The following BMPR1A variants were observed in gnomAD, a reference collection of about 807,000 sequenced individuals.
BMPR1A encodes the protein bone morphogenetic protein receptor type-1A.
A neutral mutation model predicts 66.0 loss-of-function variants in BMPR1A; 7 were observed. The observed-to-expected ratio is 0.11, with a 90% CI of 0.06 to 0.20. The LOEUF is 0.20. Among genes scored for constraint, BMPR1A ranks in the 10% least tolerant of loss-of-function variants. The probability of loss-of-function intolerance (pLI) is 1.00; values close to 1 mark genes in which losing one functional copy is unlikely to be tolerated. For missense variants in BMPR1A, 408 were observed against 669.1 expected, an observed-to-expected ratio of 0.61 and a Z score of 4.31; for synonymous variants, 200 against 229.7, an observed-to-expected ratio of 0.87 and a Z score of 1.17.
intron 3 of BMPR1A, among the ~76,000 whole-genome samples, chr10:86,878,573 T>C (rs907922647): frequency 6.6e-6 from 1 of 152,238 alleles, no homozygotes; most frequent in Admixed American, 6.5e-5. Context: ...CATTCAGTTA[T>C]TGAGTAGTGT....
intron 1 of BMPR1A, among the ~76,000 whole-genome samples, chr10:86,776,582 C>G (rs1232436925): frequency 3.3e-5 from 5 of 152,124 alleles, no homozygotes; most frequent in Non-Finnish European, 7.4e-5. Context: ...TGCAGACCCC[C>G]TTTCCTTGGG....
Position 86,803,546 on chromosome 10 carries a change from C to T in BMPR1A, c.-267-35319C>T, listed in dbSNP as rs563723776. On this transcript the variant is annotated intron_variant, in intron 1 of 12. Coordinates refer to ENST00000372037, the MANE Select transcript of BMPR1A (RefSeq NM_004329.3). ...ATCTGGAATTAGTTTTGTTGCATAA[C>T]GTAAGGATCCGACTTAATTTTTTCC... Among the ~76,000 whole-genome samples, 45 of 152,240 alleles carry T rather than the reference C, an allele frequency of 3.0e-4. 1 individual carries two copies. The highest frequency in any genetic ancestry group is 6.8e-3 in the Middle Eastern group (2 of 294).
rs1841588927 is a variant in BMPR1A, at chr10:86,790,187, AAATATATATATATATATATATATAT to A, written c.-268+33270_-268+33294del. ...CAAAAAAAAAAAAAAAAAAAAAAAA[AAATATATATATATATATATATATAT>A]ATATATATATATATATATATATATC... On this transcript the variant is annotated intron_variant, in intron 1 of 12. Transcript: ENST00000372037. Among the ~76,000 whole-genome samples the A allele has an allele frequency of 1.8e-4, 5 of 28,462 alleles. 1 individual carries two copies. Among genetic ancestry groups the A allele is most frequent in the South Asian group, 1.3e-3 (1 of 798 alleles). 18.7% of individuals were successfully genotyped at this position (28,462 alleles called of 152,430 possible).
chr10:86,836,007 T>G (rs1261592014), intron 1 of BMPR1A, among the ~76,000 whole-genome samples: 2 of 152,224 alleles, frequency 1.3e-5, no homozygotes, highest in African/African-American at 4.8e-5. Flanking sequence ...CTTGCATATG[T>G]TTTTTAAAGA....
rs144921658 is a variant in BMPR1A at position 86,759,344 on chromosome 10, C to G, written c.-268+2425C>G. Among the ~76,000 whole-genome samples, 5 of 152,328 alleles carry G rather than the reference C, an allele frequency of 3.3e-5. No homozygotes were observed. The South Asian group carries it at 1.0e-3, about 32-fold the overall frequency. ...TCTCTAGTCCCTTAGAATGATTGTT[C>G]AGACCTTTCTGTTGGAATAATTCTC... On this transcript the variant is annotated intron_variant, in intron 1 of 12. Transcript: ENST00000372037.
At chr10:86,831,136 T>A (rs988881913) in intron 1 of BMPR1A, among the ~76,000 whole-genome samples, 12 of 152,230 alleles carry the variant, frequency 7.9e-5, no homozygotes, top group Non-Finnish European at 1.8e-4. Flanking sequence ...TGTCAGCTGA[T>A]CGGCAATTAA....
intron 1 of BMPR1A, among the ~76,000 whole-genome samples, chr10:86,787,357 G>A (rs894456848): frequency 3.9e-5 from 6 of 152,130 alleles, no homozygotes; most frequent in Non-Finnish European, 7.4e-5. Flanking sequence ...AATTTAACAC[G>A]GAAAGTAACA....
intron 1 of BMPR1A, among the ~76,000 whole-genome samples, chr10:86,777,066 TC>T (rs1841360206): frequency 6.6e-6 from 1 of 152,208 alleles, no homozygotes; most frequent in African/African-American, 2.4e-5. Flanking sequence ...TTTGCACTGT[TC>T]CTCACCATAC....
chr10:86,811,385 T>G (rs1841966951), intron 1 of BMPR1A, among the ~76,000 whole-genome samples: 2 of 152,222 alleles, frequency 1.3e-5, no homozygotes, highest in Admixed American at 1.3e-4. Flanking sequence ...ATATTTGTTT[T>G]TCCCTTTGTT....
intron 7 of BMPR1A, among the ~76,000 whole-genome samples, chr10:86,907,854 T>A (rs957791205): frequency 6.6e-6 from 1 of 152,054 alleles, no homozygotes; most frequent in Non-Finnish European, 1.5e-5. Flanking sequence ...GAAGAGAGGT[T>A]GATTAAGGGG....
intron 10 of BMPR1A, among the ~76,000 whole-genome samples, chr10:86,921,247 G>A (rs1843658886): frequency 6.6e-6 from 1 of 152,096 alleles, no homozygotes; most frequent in Non-Finnish European, 1.5e-5. Context: ...GGTGTGTATT[G>A]CCCTTATCCA....
At chr10:86,814,231 C>T (rs569484877) in intron 1 of BMPR1A, among the ~76,000 whole-genome samples, 1 of 152,230 alleles carries the variant, frequency 6.6e-6, no homozygotes, top group East Asian at 1.9e-4. Context: ...AATTCCTGGG[C>T]TCAAGTGATC....
intron 1 of BMPR1A, among the ~76,000 whole-genome samples, chr10:86,821,785 CT>C (rs1400415717): frequency 6.6e-6 from 1 of 151,950 alleles, no homozygotes; most frequent in African/African-American, 2.4e-5. Context: ...TTTCTCCCCC[CT>C]CCCCCTCTCT....
intron 8 of BMPR1A, among the ~76,000 whole-genome samples, chr10:86,912,598 A>G (rs538101753): frequency 4.6e-5 from 7 of 152,338 alleles, no homozygotes; most frequent in Non-Finnish European, 1.0e-4. Flanking sequence ...AGATAGAGCT[A>G]TAAACCAGGT....
At chr10:86,838,075 G>A (rs975073859) in intron 1 of BMPR1A, among the ~76,000 whole-genome samples, 5 of 152,104 alleles carry the variant, frequency 3.3e-5, no homozygotes, top group African/African-American at 1.2e-4. Context: ...TGAAGTTTCC[G>A]TTAAAAGATT....
chr10:86,817,361 G>A (rs534049331), intron 1 of BMPR1A, among the ~76,000 whole-genome samples: 2 of 152,046 alleles, frequency 1.3e-5, no homozygotes, highest in Admixed American at 6.6e-5. Context: ...CTTTTTGGTG[G>A]CTGGCTTATT....
chr10:86,790,189 ATATATATATAT>A (rs1473069595), intron 1 of BMPR1A, among the ~76,000 whole-genome samples: 9 of 13,202 alleles, frequency 6.8e-4, no homozygotes, highest in African/African-American at 1.8e-3. Flanking sequence ...AAAAAAAAAA[ATATATATATAT>A]ATATATATAT....
chr10:86,762,187 T>C (rs1380989839), intron 1 of BMPR1A, among the ~76,000 whole-genome samples: 1 of 152,222 alleles, frequency 6.6e-6, no homozygotes, highest in Non-Finnish European at 1.5e-5. Flanking sequence ...ATATAATTAA[T>C]TGAGGTTGTC....
Position 86,790,181 on chromosome 10 carries a change from AAAAAAAAATATATATAT to A in BMPR1A, c.-268+33264_-268+33280del, listed in dbSNP as rs1841585574. Among the ~76,000 whole-genome samples the A allele has an allele frequency of 1.2e-4, 5 of 42,358 alleles. 1 individual carries two copies. The highest frequency in any genetic ancestry group is 5.7e-4 in the African/African-American group (4 of 7,006). 27.8% of individuals were successfully genotyped at this position (42,358 alleles called of 152,430 possible). ...TGTCTCCAAAAAAAAAAAAAAAAAAAAAAAAAAATATATATATATATATATATATATATATATATATA... is the reference window on the plus strand; with the variant it reads ...TGTCTCCAAAAAAAAAAAAAAAAAAAATATATATATATATATATATATATA... On this transcript the variant is annotated intron_variant, in intron 1 of 12. Coordinates refer to ENST00000372037, the MANE Select transcript of BMPR1A (RefSeq NM_004329.3).
Sources: gnomAD v4.1 joint callset for allele counts (sites outside exome capture counted in the v4.1 genomes callset) on GRCh38, gnomAD v4.1.1 for gene constraint, MANE v1.5 for transcripts, NCBI Gene and HGNC (gene_info 2026-07-23, HGNC 2026-07-21) for gene names.